NEDD9: variants seen among roughly 807,000 people sequenced by gnomAD.
NEDD9 encodes neural precursor cell expressed, developmentally down-regulated 9, also known as enhancer of filamentation 1.
Under a neutral mutation model 76.6 loss-of-function variants are expected in NEDD9, and 26 were observed. That is an observed-to-expected ratio of 0.34 (90% CI 0.25 to 0.47). The LOEUF (loss-of-function observed/expected upper bound fraction) is 0.47. Among genes scored for constraint, NEDD9 ranks in the 20% least tolerant of loss-of-function variants. NEDD9 has a pLI of 1.00. For synonymous variants in NEDD9, 392 were observed against 414.2 expected, an observed-to-expected ratio of 0.95 and a Z score of 0.65; for missense variants, 937 against 1,058.5, an observed-to-expected ratio of 0.89 and a Z score of 1.59.
intron 3 of NEDD9, chr6:11,305,055 A>G (rs1273304546): frequency 2.4e-6 from 3 of 1,268,718 alleles, no homozygotes; most frequent in Non-Finnish European, 3.1e-6. Flanking sequence ...AGCATTTCTT[A>G]TTATATTTAC....
At chr6:11,248,263 G>A (rs1759848330) in intron 3 of NEDD9, among the ~76,000 whole-genome samples, 1 of 152,078 alleles carries the variant, frequency 6.6e-6, no homozygotes. Flanking sequence ...CCTTTACCAT[G>A]TAGAAGTCAT....
At chr6:11,246,719 C>T (rs1283897320) in intron 3 of NEDD9, among the ~76,000 whole-genome samples, 1 of 152,216 alleles carries the variant, frequency 6.6e-6, no homozygotes, top group Non-Finnish European at 1.5e-5. Flanking sequence ...AACTCTCCCT[C>T]TCCCTTGCAG....
At chr6:11,263,867 C>G (rs549254987) in intron 3 of NEDD9, among the ~76,000 whole-genome samples, 1 of 152,292 alleles carries the variant, frequency 6.6e-6, no homozygotes, top group South Asian at 2.1e-4. Flanking sequence ...TCCTTGCAAA[C>G]CTTAGTCAAG....
chr6:11,209,898 T>G (rs1293714110), intron 2 of NEDD9, among the ~76,000 whole-genome samples: 3 of 151,430 alleles, frequency 2.0e-5, no homozygotes, highest in African/African-American at 7.3e-5. Flanking sequence ...GTGGAGGGGA[T>G]GCAAGAGGGT....
chr6:11,331,437 G>T (rs1762035982), intron 2 of NEDD9, among the ~76,000 whole-genome samples: 1 of 152,102 alleles, frequency 6.6e-6, no homozygotes, highest in Admixed American at 6.6e-5. Context: ...ATAGTAAAAG[G>T]AAGTATTATA....
intron 3 of NEDD9, among the ~76,000 whole-genome samples, chr6:11,284,391 T>TAAA (rs1168452567): frequency 7.0e-4 from 49 of 70,180 alleles, no homozygotes; most frequent in African/African-American, 1.7e-3. Flanking sequence ...CCGTCTCTAC[T>TAAA]AAAAAAAAAA....
chr6:11,357,070 T>C (rs1403800860), intron 1 of NEDD9, among the ~76,000 whole-genome samples: 1 of 152,104 alleles, frequency 6.6e-6, no homozygotes, highest in African/African-American at 2.4e-5. Flanking sequence ...TGGAGCTCCA[T>C]TTTGCTTCGT....
At chr6:11,203,118 G>A (rs897594621) in intron 2 of NEDD9, among the ~76,000 whole-genome samples, 1 of 152,238 alleles carries the variant, frequency 6.6e-6, no homozygotes, top group Admixed American at 6.5e-5. Context: ...CGAGCAGCTA[G>A]AAGCATTTAA....
chr6:11,229,376 C>T (rs1488273146), intron 1 of NEDD9, among the ~76,000 whole-genome samples: 1 of 152,164 alleles, frequency 6.6e-6, no homozygotes, highest in African/African-American at 2.4e-5. Context: ...AGCCCCCGCC[C>T]GGGCTGGGCC....
chr6:11,304,741 G>C (rs1232588376), intron 3 of NEDD9, among the ~76,000 whole-genome samples: 4 of 152,202 alleles, frequency 2.6e-5, no homozygotes, highest in African/African-American at 4.8e-5. Context: ...TCACTCATAG[G>C]TGGGAGTTGA....
At chr6:11,307,598 T>A (rs1322129842) in intron 2 of NEDD9, among the ~76,000 whole-genome samples, 1 of 152,188 alleles carries the variant, frequency 6.6e-6, no homozygotes, top group Non-Finnish European at 1.5e-5. Flanking sequence ...AGCTGATTTG[T>A]CTATGGGGAT....
intron 2 of NEDD9, among the ~76,000 whole-genome samples, chr6:11,325,221 G>A (rs148116959): frequency 6.6e-6 from 1 of 152,218 alleles, no homozygotes; most frequent in African/African-American, 2.4e-5. Flanking sequence ...AGGGTGTGGT[G>A]CCGGGTGCCT....
At chr6:11,375,638 A>G (rs996412689) in intron 1 of NEDD9, among the ~76,000 whole-genome samples, 1 of 152,012 alleles carries the variant, frequency 6.6e-6, no homozygotes, top group African/African-American at 2.4e-5. Flanking sequence ...AACGCACCCA[A>G]GATCTGGTTG....
chr6:11,238,860 G>A (rs576200293), intron 3 of NEDD9, among the ~76,000 whole-genome samples: 2 of 152,272 alleles, frequency 1.3e-5, no homozygotes, highest in African/African-American at 2.4e-5. Flanking sequence ...GAATCTACCC[G>A]TTTAAAGTGA....
At chr6:11,349,258 A>C (rs1762420417) in intron 1 of NEDD9, among the ~76,000 whole-genome samples, 2 of 152,154 alleles carry the variant, frequency 1.3e-5, no homozygotes, top group Non-Finnish European at 2.9e-5. Flanking sequence ...TTAACAAAAA[A>C]TAAAAAAATA....
intron 3 of NEDD9, among the ~76,000 whole-genome samples, chr6:11,242,424 G>A (rs886530855): frequency 6.6e-6 from 1 of 152,058 alleles, no homozygotes; most frequent in Admixed American, 6.5e-5. Flanking sequence ...ACCTGCTTTT[G>A]GAGCTTCTGG....
chr6:11,263,532 T>G (rs1760151691), intron 3 of NEDD9, among the ~76,000 whole-genome samples: 1 of 152,212 alleles, frequency 6.6e-6, no homozygotes, highest in East Asian at 1.9e-4. Flanking sequence ...GATGGCCCTC[T>G]TGAACTGCAG....
intron 3 of NEDD9, among the ~76,000 whole-genome samples, chr6:11,281,189 C>T (rs907558952): frequency 2.6e-5 from 4 of 152,234 alleles, no homozygotes; most frequent in Non-Finnish European, 5.9e-5. Flanking sequence ...GAACCAAGAA[C>T]TACCCTTTTA....
At chr6:11,191,608 C>G (rs967423817) in intron 4 of NEDD9, among the ~76,000 whole-genome samples, 1 of 152,128 alleles carries the variant, frequency 6.6e-6, no homozygotes, top group African/African-American at 2.4e-5. Context: ...AAACACAGTC[C>G]CCTTGTCTGT....
Sources: allele counts gnomAD v4.1 joint callset (sites outside exome capture counted in the v4.1 genomes callset), GRCh38; gene constraint gnomAD v4.1.1; transcripts MANE v1.5; gene names NCBI Gene and HGNC (gene_info 2026-07-23, HGNC 2026-07-21).